Variants in PPM1E observed in about 807,000 individuals in gnomAD.
The protein encoded by PPM1E is protein phosphatase, Mg2+/Mn2+ dependent 1E, also known as protein phosphatase 1E.
Under a neutral mutation model 65.9 loss-of-function variants are expected in PPM1E, and 20 were observed. The observed-to-expected ratio is 0.30, with a 90% CI of 0.21 to 0.44. PPM1E has a LOEUF of 0.44. Among genes scored for constraint, PPM1E ranks in the 20% least tolerant of loss-of-function variants. The probability of loss-of-function intolerance (pLI) is 1.00; values close to 1 mark genes in which losing one functional copy is unlikely to be tolerated. For synonymous variants in PPM1E, 352 were observed against 374.9 expected, an observed-to-expected ratio of 0.94 and a Z score of 0.70; for missense variants, 713 against 953.1, an observed-to-expected ratio of 0.75 and a Z score of 3.32.
intron 1 of PPM1E, among the ~76,000 whole-genome samples, chr17:58,860,364 G>A (rs759286158): frequency 6.6e-6 from 1 of 152,126 alleles, no homozygotes; most frequent in Non-Finnish European, 1.5e-5. Context: ...CCATTCAGTG[G>A]CATGCCAGTC....
At chr17:58,925,573 T>TGGGA (rs1418186366) in intron 1 of PPM1E, among the ~76,000 whole-genome samples, 1 of 152,044 alleles carries the variant, frequency 6.6e-6, no homozygotes, top group Admixed American at 6.6e-5. Context: ...CCCGAGTAGC[T>TGGGA]GGGACTACAG....
chr17:58,789,566 G>A (rs1006706137), intron 1 of PPM1E, among the ~76,000 whole-genome samples: 4 of 152,056 alleles, frequency 2.6e-5, no homozygotes, highest in African/African-American at 9.7e-5. Flanking sequence ...GCTAATCTCT[G>A]ACTTAACATA....
chr17:58,950,668 C>G (rs1414562944), intron 1 of PPM1E, among the ~76,000 whole-genome samples: 27 of 151,254 alleles, frequency 1.8e-4, no homozygotes, highest in Admixed American at 1.8e-3. Flanking sequence ...GACCTGTCTT[C>G]AAGTTCAAAA....
At chr17:58,914,161 A>C (rs1226889947) in intron 1 of PPM1E, among the ~76,000 whole-genome samples, 3 of 152,192 alleles carry the variant, frequency 2.0e-5, no homozygotes, top group Non-Finnish European at 4.4e-5. Flanking sequence ...ATGCAAAGGT[A>C]GTTTCAATAT....
intron 1 of PPM1E, among the ~76,000 whole-genome samples, chr17:58,896,576 C>A (rs2051420090): frequency 1.3e-5 from 2 of 152,092 alleles, no homozygotes; most frequent in South Asian, 4.1e-4. Flanking sequence ...CAGAGCTAGA[C>A]TCCATCTCAA....
At chr17:58,950,915 A>T (rs889461538) in intron 1 of PPM1E, among the ~76,000 whole-genome samples, 7 of 151,458 alleles carry the variant, frequency 4.6e-5, no homozygotes, top group African/African-American at 1.7e-4. Flanking sequence ...AGTAGCTGGG[A>T]CTACAGGCGC....
intron 1 of PPM1E, among the ~76,000 whole-genome samples, chr17:58,898,330 C>T (rs991638719): frequency 3.3e-5 from 5 of 151,734 alleles, no homozygotes; most frequent in South Asian, 2.1e-4. Context: ...CAAACAACCC[C>T]GTCAAAAAGT....
At chr17:58,806,422 A>T (rs534477340) in intron 1 of PPM1E, among the ~76,000 whole-genome samples, 26 of 151,886 alleles carry the variant, frequency 1.7e-4, no homozygotes, top group African/African-American at 5.5e-4. Flanking sequence ...TCTAACTAAT[A>T]AATGGTAAAA....
chr17:58,908,782 A>G (rs1363623395), intron 1 of PPM1E, among the ~76,000 whole-genome samples: 7 of 152,104 alleles, frequency 4.6e-5, no homozygotes, highest in Non-Finnish European at 8.8e-5. Flanking sequence ...AGTTTGCCAT[A>G]TACAGTTATA....
chr17:58,902,594 G>T (rs1167140761), intron 1 of PPM1E, among the ~76,000 whole-genome samples: 2 of 152,072 alleles, frequency 1.3e-5, no homozygotes, highest in Non-Finnish European at 2.9e-5. Context: ...TTTTTCTCCT[G>T]ACTCCTTTAA....
intron 1 of PPM1E, chr17:58,785,458 T>TTTTATATATATATA (rs1428055897): frequency 1.1e-5 from 1 of 88,990 alleles, no homozygotes; most frequent in African/African-American, 5.4e-5. Context: ...CCTGGCTAAT[T>TTTTATATATATATA]TATATATATA....
At position 58,800,283 on chromosome 17, in the gene PPM1E, G is replaced by A. The variant is rs187054872; in HGVS notation, c.464+43822G>A. ...GGAATAAATCTCATTTAGTCATGAT[G>A]TGTTATCCTTTTTATATACTGCTAG... On this transcript the variant is annotated intron_variant, in intron 1 of 6. Transcript: ENST00000308249. 9.2e-5 allele frequency among the ~76,000 whole-genome samples: 14 copies of A among 152,114 alleles called. No homozygotes were observed. The East Asian group carries it at 2.3e-3, about 25-fold the overall frequency.
chr17:58,937,892 A>AAAAAAAAAAAAAAAAAAAAG (rs57965915), intron 1 of PPM1E, among the ~76,000 whole-genome samples: 3 of 129,772 alleles, frequency 2.3e-5, no homozygotes, highest in African/African-American at 6.0e-5. Context: ...AAAAAAAAAA[A>AAAAAAAAAAAAAAAAAAAAG]AAAGAAAGAA....
At chr17:58,847,452 G>T (rs1367938027) in intron 1 of PPM1E, among the ~76,000 whole-genome samples, 3 of 152,160 alleles carry the variant, frequency 2.0e-5, no homozygotes, top group African/African-American at 7.2e-5. Flanking sequence ...TTTGTATAAG[G>T]TGTAAGGAAG....
At chr17:58,893,855 G>A (rs1056153219) in intron 1 of PPM1E, among the ~76,000 whole-genome samples, 1 of 152,068 alleles carries the variant, frequency 6.6e-6, no homozygotes, top group African/African-American at 2.4e-5. Flanking sequence ...AAGAACTCCT[G>A]AAGCCAGGAG....
chr17:58,955,895 AG>A, intron 2 of PPM1E, 128 bp downstream of exon 2: 1 of 1,121,840 alleles, frequency 8.9e-7, no homozygotes. Flanking sequence ...TAGTGGTAGC[AG>A]GGGAGAAAAA....
chr17:58,853,786 G>A (rs1287576998), intron 1 of PPM1E, among the ~76,000 whole-genome samples: 1 of 152,004 alleles, frequency 6.6e-6, no homozygotes, highest in African/African-American at 2.4e-5. Context: ...AGCCGAAATT[G>A]CACCACTGCA....
At chr17:58,944,762 A>G (rs761738278) in intron 1 of PPM1E, among the ~76,000 whole-genome samples, 15 of 152,112 alleles carry the variant, frequency 9.9e-5, no homozygotes, top group Non-Finnish European at 2.1e-4. Context: ...TGTTTTTACT[A>G]TTTGGCGATT....
At chr17:58,941,243 A>C (rs1189336312) in intron 1 of PPM1E, among the ~76,000 whole-genome samples, 1 of 152,216 alleles carries the variant, frequency 6.6e-6, no homozygotes, top group East Asian at 1.9e-4. Context: ...CATTGTTTAT[A>C]AAGCATTTGG....
Sources: allele counts gnomAD v4.1 joint callset (sites outside exome capture counted in the v4.1 genomes callset), GRCh38; gene constraint gnomAD v4.1.1; transcripts MANE v1.5; gene names NCBI Gene and HGNC (gene_info 2026-07-23, HGNC 2026-07-21).